Variants in STARD9 observed in about 807,000 individuals in gnomAD.
The protein encoded by STARD9 is stAR-related lipid transfer protein 9.
A neutral mutation model predicts 399.8 loss-of-function variants in STARD9; 346 were observed. That is an observed-to-expected ratio of 0.87 (90% confidence interval 0.79 to 0.95). The LOEUF (loss-of-function observed/expected upper bound fraction) is 0.95. STARD9 is among the 40% of genes least tolerant of loss of function. STARD9 has a pLI of 0.00. For synonymous variants in STARD9, 2,203 were observed against 2,143.5 expected, an observed-to-expected ratio of 1.03 and a Z score of -0.77; for missense variants, 5,832 against 5,667.5, an observed-to-expected ratio of 1.03 and a Z score of -0.93.
In STARD9 at chr15:42,685,970, C is replaced by T. The variant is rs542848536; in HGVS notation, c.4392C>T (p.Asn1464=). ...SEASHNSSVS[N]VLAASATTLT... The stretch of plus-strand genomic sequence containing the variant: ...CATCCCACAATTCTAGCGTATCAAA[C>T]GTGCTGGCTGCCTCTGCCACCACCT... The change falls in exon 23 of 33, where the codon AAC becomes AAT. Residue 1464 remains asparagine, a synonymous_variant. Coordinates refer to ENST00000290607, the MANE Select transcript of STARD9 (RefSeq NM_020759.3). 2.0e-6 allele frequency: 3 copies of T among 1,537,258 alleles called. No individual in the cohort carries two copies. In the South Asian group the frequency reaches 3.6e-5, roughly 18 times the overall value.
intron 26 of STARD9, among the ~76,000 whole-genome samples, chr15:42,700,374 G>A (rs532648900): frequency 1.8e-4 from 28 of 152,206 alleles, no homozygotes; most frequent in Middle Eastern, 3.4e-3. Context: ...CCATAATGGC[G>A]GTATTAATTT....
chr15:42,700,806 A>G (rs1038814077), intron 26 of STARD9, among the ~76,000 whole-genome samples: 26 of 151,946 alleles, frequency 1.7e-4, no homozygotes, highest in Admixed American at 1.7e-3. Context: ...TGCTTTTGTT[A>G]CTTGTGCTCT....
chr15:42,665,545 G>C (rs1208583859), intron 14 of STARD9, among the ~76,000 whole-genome samples: 1 of 152,160 alleles, frequency 6.6e-6, no homozygotes, highest in East Asian at 1.9e-4. Flanking sequence ...CTCTTGTCTT[G>C]TGCCTGGATG....
chr15:42,681,596 C>T lies in STARD9; in HGVS notation c.2049C>T (p.Ser683=). The change falls in exon 21 of 33, where the codon AGC becomes AGT. Residue 683 remains serine (S), a synonymous_variant. Transcript: ENST00000290607. ...KELEFDQAWI[S]QQIKENQQCL... ...TGGAATTTGACCAAGCTTGGATTAG[C>T]CAGCAGATTAAAGAAAGTAGGTGTC... is the stretch of plus-strand genomic sequence containing the variant. 3 of 1,536,598 alleles carry T rather than the reference C, an allele frequency of 2.0e-6. No homozygotes were observed. The highest frequency in any genetic ancestry group is 2.6e-6 in the Non-Finnish European group (3 of 1,146,622).
intron 4 of STARD9, among the ~76,000 whole-genome samples, chr15:42,635,601 T>G (rs1428235728): frequency 6.6e-6 from 1 of 152,152 alleles, no homozygotes; most frequent in Non-Finnish European, 1.5e-5. Context: ...AGTGCTGGGA[T>G]TACAGGCATG....
chr15:42,578,134 G>A (rs1040827117), intron 1 of STARD9, among the ~76,000 whole-genome samples: 10 of 149,702 alleles, frequency 6.7e-5, no homozygotes, highest in Non-Finnish European at 1.0e-4. Context: ...TTTTGGAGAT[G>A]GAGTCTCACT....
intron 24 of STARD9, 93 bp downstream of exon 24, chr15:42,694,818 T>C: frequency 9.9e-7 from 1 of 1,011,614 alleles, no homozygotes; most frequent in South Asian, 1.6e-5. Flanking sequence ...CCTGGAGGGT[T>C]CTCTATAGGA....
intron 3 of STARD9, among the ~76,000 whole-genome samples, chr15:42,599,590 G>T (rs977484864): frequency 6.6e-6 from 1 of 152,136 alleles, no homozygotes. Context: ...TTACTCCCTT[G>T]TGATACATTC....
intron 13 of STARD9, 118 bp from the exon 14 acceptor site, chr15:42,665,135 T>G: frequency 1.3e-6 from 1 of 740,762 alleles, no homozygotes; most frequent in Non-Finnish European, 2.2e-6. Flanking sequence ...TGAGAATGAC[T>G]GCTGTAGAGA....
chr15:42,582,705 T>G (rs918281562), intron 1 of STARD9, among the ~76,000 whole-genome samples: 43 of 152,328 alleles, frequency 2.8e-4, no homozygotes, highest in Admixed American at 2.5e-3. Context: ...GTTTCTTTTC[T>G]TTTGAGAGAT....
In STARD9 at chr15:42,682,265, A is replaced by T; in HGVS notation, c.2227A>T (p.Lys743Ter). ...GCCATCCCCATTTGTCCAAAGTCAG[A>T]AAAGGGTGGTGCACCTGCAGCTCCT... ...IQPSPFVQSQ[K>*]RVVHLQLLRR... Residue 743 changes from lysine to a stop codon, truncating the protein, a stop_gained, in exon 22 of 33, where the codon AAA becomes TAA. Coordinates refer to ENST00000290607, the MANE Select transcript of STARD9 (RefSeq NM_020759.3). LOFTEE classifies it high-confidence loss of function. 6.5e-7 allele frequency: 1 copy of T among 1,537,222 alleles called. No homozygotes were observed. The highest frequency in any genetic ancestry group is 2.4e-5 in the East Asian group (1 of 40,922).
At chr15:42,658,288 GGTGTGTGTGT>G (rs56286330) in intron 9 of STARD9, among the ~76,000 whole-genome samples, 2 of 145,852 alleles carry the variant, frequency 1.4e-5, no homozygotes, top group Admixed American at 6.9e-5. Context: ...GGGACTTACA[GGTGTGTGTGT>G]GTGTGTGTGT....
At chr15:42,697,349 C>T (rs2060866442) in intron 26 of STARD9, among the ~76,000 whole-genome samples, 1 of 152,208 alleles carries the variant, frequency 6.6e-6, no homozygotes, top group Admixed American at 6.5e-5. Context: ...TATCTTCCCA[C>T]CTCAGCCTCC....
chr15:42,692,630 C>T lies in STARD9; in HGVS notation c.11052C>T (p.Leu3684=). The change falls in exon 23 of 33, where the codon CTC becomes CTT. Residue 3684 remains leucine (L), a synonymous_variant. Transcript: ENST00000290607. ...WTSMHNLSLH[L]SQLLHSTSEL... is the part of the protein sequence containing the mutation. ...GCATGCACAATCTGTCTCTCCACCT[C>T]TCACAGCTCCTGCACAGTACCTCAG... 1.3e-6 allele frequency: 2 copies of T among 1,537,216 alleles called. No individual in the cohort carries two copies. The highest frequency in any genetic ancestry group is 1.7e-6 in the Non-Finnish European group (2 of 1,146,910).
Position 42,720,015 on chromosome 15 carries a change from T to C in STARD9, c.*441T>C, listed in dbSNP as rs1424287680. On this transcript the variant is annotated 3_prime_UTR_variant, in exon 33 of 33. Coordinates refer to ENST00000290607, the MANE Select transcript of STARD9 (RefSeq NM_020759.3). ...GACTCTGTTCTGAATCTACCTCCTC[T>C]AGCATTCAGCTCTACTGTGTGATGG... 6.3e-6 allele frequency: 1 copy of C among 159,890 alleles called. No individual in the cohort carries two copies. The highest frequency in any genetic ancestry group is 1.4e-5 in the Non-Finnish European group (1 of 73,320). The allele number at this position is 159,890 out of a possible 1,614,324, so 9.9% of individuals were successfully genotyped here.
chr15:42,635,624 C>T (rs754028004), intron 4 of STARD9, among the ~76,000 whole-genome samples: 3 of 152,136 alleles, frequency 2.0e-5, no homozygotes, highest in East Asian at 3.9e-4. Context: ...CCACCATGCC[C>T]GGCCTTAACC....
At chr15:42,709,435 C>T (rs2061163475) in intron 26 of STARD9, among the ~76,000 whole-genome samples, 1 of 152,164 alleles carries the variant, frequency 6.6e-6, no homozygotes, top group African/African-American at 2.4e-5. Context: ...GCCTGTAATC[C>T]CAGCACTTTG....
chr15:42,699,327 C>G (rs922929502), intron 26 of STARD9, among the ~76,000 whole-genome samples: 1 of 151,808 alleles, frequency 6.6e-6, no homozygotes, highest in South Asian at 2.1e-4. Flanking sequence ...CTTCCTGATC[C>G]CCTCCCCAGC....
At chr15:42,622,775 G>A (rs1462049277) in intron 3 of STARD9, among the ~76,000 whole-genome samples, 1 of 152,120 alleles carries the variant, frequency 6.6e-6, no homozygotes, top group Middle Eastern at 3.2e-3. Context: ...TTGTTCTCCT[G>A]TTTTGTCCAG....
Sources: gnomAD v4.1 joint callset for allele counts (sites outside exome capture counted in the v4.1 genomes callset) on GRCh38, gnomAD v4.1.1 for gene constraint, MANE v1.5 for transcripts, NCBI Gene and HGNC (gene_info 2026-07-23, HGNC 2026-07-21) for gene names.